AKNA: variants seen among roughly 807,000 people sequenced by gnomAD.
AKNA encodes the protein AT-hook transcription factor.
In AKNA, 67 loss-of-function variants were observed where a neutral mutation model predicts 138.8. That is an observed-to-expected ratio of 0.48 (90% CI 0.40 to 0.59). The LOEUF (loss-of-function observed/expected upper bound fraction) is 0.59. Ranked by LOEUF, AKNA falls within the 20% of genes least tolerant of loss-of-function variation. The pLI is 0.00. For synonymous variants in AKNA, 737 were observed against 754.4 expected, an observed-to-expected ratio of 0.98 and a Z score of 0.38; for missense variants, 1,813 against 1,880.4, an observed-to-expected ratio of 0.96 and a Z score of 0.66.
At position 114,377,217 on chromosome 9, in the gene AKNA, G is replaced by A. The variant is rs140395838; in HGVS notation, c.590C>T (p.Pro197Leu). The A allele has an allele frequency of 3.1e-4, 502 of 1,614,212 alleles. No homozygotes were observed. Among genetic ancestry groups the A allele is most frequent in the Admixed American group, 5.2e-4 (31 of 60,016 alleles). The change falls in exon 3 of 22, where the codon CCG becomes CTG. Residue 197 changes from proline to leucine, a missense_variant. Transcript: ENST00000374088. ...SEVNPSVELS[P>L]ARSWSSGTVS... is the part of the protein sequence containing the mutation. ...TGTCCCACTGCTCCAGGACCTTGCC[G>A]GGCTGAGTTCAACGGATGGGTTGAC...
At chr9:114,355,734 C>T (rs904901172) in intron 14 of AKNA, among the ~76,000 whole-genome samples, 191 bp downstream of exon 14, 5 of 152,210 alleles carry the variant, frequency 3.3e-5, no homozygotes, top group African/African-American at 1.2e-4. Context: ...AGGTTCTACA[C>T]CAAAACGTCA....
At chr9:114,368,358 C>A in intron 5 of AKNA, 81 bp downstream of exon 5, 1 of 1,295,482 alleles carries the variant, frequency 7.7e-7, no homozygotes, top group South Asian at 3.2e-5. Context: ...AGCGCCATCC[C>A]CAGGGTGAAC....
intron 2 of AKNA, 161 bp from the exon 3 acceptor site, chr9:114,377,693 C>T (rs1833346371): frequency 2.7e-6 from 2 of 739,590 alleles, no homozygotes; most frequent in Admixed American, 6.3e-5. Flanking sequence ...TTGTCTGATA[C>T]CTGATCTGAT....
chr9:114,398,444 T>C (rs1589052259), upstream of AKNA: 1 of 152,270 alleles, frequency 6.6e-6, no homozygotes, highest in Non-Finnish European at 1.5e-5. The surrounding 1 kb of genome is among the most constrained non-coding windows in gnomAD (Gnocchi z 4.2). Context: ...TCTCACCTGC[T>C]GGCGGCCGCC....
chr9:114,332,010 G>C (rs1468145858), downstream of AKNA: 26 of 1,266,440 alleles, frequency 2.1e-5, no homozygotes, highest in Non-Finnish European at 2.9e-5. Flanking sequence ...CAGGAAAGCT[G>C]CCAGGCAAGG....
In AKNA at chr9:114,341,462, C is replaced by A; in HGVS notation, c.4067+71G>T. 5.0e-6 allele frequency: 8 copies of A among 1,590,758 alleles called. No individual in the cohort carries two copies. The South Asian group carries it at 8.9e-5, about 18-fold the overall frequency. ...GTATACTGCATCTCAGCTGCCCCAC[C>A]CAGGTCTGAATGCTAACATATTCAG... On this transcript the variant is annotated intron_variant, in intron 21 of 21. Transcript: ENST00000374088.
chr9:114,386,670 C>G (rs533262237), intron 1 of AKNA, among the ~76,000 whole-genome samples: 500 of 152,222 alleles, frequency 3.3e-3, no homozygotes, highest in Middle Eastern at 6.8e-3. Flanking sequence ...TTCTTACACC[C>G]AAGCCGCCAC....
chr9:114,380,981 C>CAAAAAAAAAAAAAAAAAAAAAAAAAAAAA (rs34055519), intron 2 of AKNA, 79 bp downstream of exon 2: 1 of 949,986 alleles, frequency 1.1e-6, no homozygotes, highest in African/African-American at 3.1e-5. Context: ...GACTCTGTCT[C>CAAAAAAAAAAAAAAAAAAAAAAAAAAAAA]AAAAAAAAAA....
At chr9:114,358,658 C>G (rs1316780313) in intron 11 of AKNA, among the ~76,000 whole-genome samples, 1 of 148,362 alleles carries the variant, frequency 6.7e-6, no homozygotes, top group Non-Finnish European at 1.5e-5. Context: ...CATACTGTCT[C>G]TCTCTCTCTT....
chr9:114,390,471 A>G (rs554739942), upstream of AKNA, among the ~76,000 whole-genome samples: 1 of 152,122 alleles, frequency 6.6e-6, no homozygotes, highest in Non-Finnish European at 1.5e-5. Context: ...GTCAACTCCC[A>G]GTGATTTCAT....
At position 114,337,013 on chromosome 9, in the gene AKNA, G is replaced by GGGGGGGGGGGGGGGGGCC; in HGVS notation, c.*40_*41insGGCCCCCCCCCCCCCCCC. On this transcript the variant is annotated 3_prime_UTR_variant, in exon 22 of 22. Transcript: ENST00000374088. ...CCACTCCTGGCCTGGCAGGCCACCT[G>GGGGGGGGGGGGGGGGGCC]CCCACCCACCCACCCATCTGCCTCT... 2.5e-6 allele frequency: 3 copies of GGGGGGGGGGGGGGGGGCC among 1,185,370 alleles called. No individual in the cohort carries two copies. Among genetic ancestry groups the GGGGGGGGGGGGGGGGGCC allele is most frequent in the Middle Eastern group, 3.2e-4 (1 of 3,166 alleles). The allele number at this position is 1,185,370 out of a possible 1,614,324, so 73.4% of individuals were successfully genotyped here. A position where few individuals can be genotyped will look rare whatever the true frequency, so the allele number is the denominator to read the frequency against.
intron 19 of AKNA, 52 bp from the exon 20 acceptor site, chr9:114,342,177 T>C (rs1260923586): frequency 7.3e-7 from 1 of 1,370,524 alleles, no homozygotes; most frequent in Non-Finnish European, 9.9e-7. Flanking sequence ...AATCATCAGA[T>C]CAGGAGCCCC....
At chr9:114,397,676 T>G (rs955675695), upstream of AKNA, among the ~76,000 whole-genome samples, 1 of 152,178 alleles carries the variant, frequency 6.6e-6, no homozygotes, top group Non-Finnish European at 1.5e-5. Flanking sequence ...CCCATCACAC[T>G]GGGGAGAGCC....
At chr9:114,371,029 T>C (rs1589004021) in intron 4 of AKNA, among the ~76,000 whole-genome samples, 1 of 151,842 alleles carries the variant, frequency 6.6e-6, no homozygotes. Flanking sequence ...GGGGGGGAGG[T>C]GGCAACATGG....
At position 114,377,258 on chromosome 9, in the gene AKNA, A is replaced by C. The variant is rs1296663812; in HGVS notation, c.549T>G (p.Leu183=). 2 of 1,614,110 alleles carry C rather than the reference A, an allele frequency of 1.2e-6. No homozygotes were observed. The highest frequency in any genetic ancestry group is 2.2e-5 in the East Asian group (1 of 44,872). ...ASGEQASGDK[L]SEHSEVNPSV... Reference sequence around the variant, plus strand: ...ATGGGTTGACCTCGGAATGTTCAGAAAGTTTGTCCCCACTGGCTTGTTCGC... The same window carrying C: ...ATGGGTTGACCTCGGAATGTTCAGACAGTTTGTCCCCACTGGCTTGTTCGC... Residue 183 remains leucine (L), a synonymous_variant, in exon 3 of 22, where the codon CTT becomes CTG. Transcript: ENST00000374088.
chr9:114,391,326 TCA>T, upstream of AKNA, among the ~76,000 whole-genome samples: 1 of 152,348 alleles, frequency 6.6e-6, no homozygotes, highest in Non-Finnish European at 1.5e-5. Context: ...TAATTGCAAT[TCA>T]CAAAGCCAAT....
In AKNA at chr9:114,356,062, C is replaced by G. The variant is rs1286419438; in HGVS notation, c.2921G>C (p.Gly974Ala). The G allele has an allele frequency of 1.1e-5, 18 of 1,614,002 alleles. No individual in the cohort carries two copies. The East Asian group carries it at 4.0e-4, about 36-fold the overall frequency. Residue 974 changes from glycine to alanine, a missense_variant, in exon 14 of 22, where the codon GGT (glycine) becomes GCT (alanine). By Grantham distance (60) the Gly-to-Ala change is moderately conservative. Coordinates refer to ENST00000374088, the MANE Select transcript of AKNA (RefSeq NM_001317950.2). ...TGTGGCTCTTCTGGGAATCAGAGAA[C>G]CCCTGGCCTTGGGGTAGGAAGCTCC... ...RDGASYPKARGSLIPRRATEP... is the reference protein window; with the variant it reads ...RDGASYPKARASLIPRRATEP...
chr9:114,343,930 T>G, intron 18 of AKNA, 127 bp from the exon 19 acceptor site: 2 of 797,434 alleles, frequency 2.5e-6, no homozygotes, highest in Non-Finnish European at 4.0e-6. Flanking sequence ...CTCTCACGTG[T>G]GCACACGGTG....
intron 18 of AKNA, 46 bp from the exon 19 acceptor site, chr9:114,343,849 T>C: frequency 1.3e-6 from 2 of 1,496,472 alleles, no homozygotes; most frequent in Non-Finnish European, 1.8e-6. Context: ...TGTGGATGGA[T>C]GCAAAATAGA....
Sources: allele counts gnomAD v4.1 joint callset (sites outside exome capture counted in the v4.1 genomes callset), GRCh38; gene constraint gnomAD v4.1.1; non-coding constraint Gnocchi (gnomAD v3.1); transcripts MANE v1.5; gene names NCBI Gene and HGNC (gene_info 2026-07-23, HGNC 2026-07-21).